ANKIB1: variants seen among roughly 807,000 people sequenced by gnomAD.
ANKIB1 encodes the protein ankyrin repeat and IBR domain containing 1, also known as ankyrin repeat and IBR domain-containing protein 1.
Under a neutral mutation model 122.1 loss-of-function variants are expected in ANKIB1, and 43 were observed. That is an observed-to-expected ratio of 0.35 (90% CI 0.28 to 0.45). The LOEUF is 0.45. Among genes scored for constraint, ANKIB1 ranks in the 20% least tolerant of loss-of-function variants. The pLI is 1.00. For missense variants in ANKIB1, 992 were observed against 1,329.5 expected, an observed-to-expected ratio of 0.75 and a Z score of 3.95; for synonymous variants, 390 against 442.0, an observed-to-expected ratio of 0.88 and a Z score of 1.48.
intron 1 of ANKIB1, among the ~76,000 whole-genome samples, chr7:92,293,529 C>T (rs1802292220): frequency 6.6e-6 from 1 of 152,184 alleles, no homozygotes; most frequent in African/African-American, 2.4e-5. Flanking sequence ...CAGCCTCCCA[C>T]TGAATTAATA....
rs1261795945 is a variant in ANKIB1, at chr7:92,401,315, A to G, written c.*2366A>G. On this transcript the variant is annotated 3_prime_UTR_variant, in exon 20 of 20. Coordinates refer to ENST00000265742, the MANE Select transcript of ANKIB1 (RefSeq NM_019004.2). ...ACAGTAGGATTCTACAAACGTGTAG[A>G]TGTTTGGCCAAATGAATGCTGTTAA... 1 of 152,228 alleles carries G rather than the reference A, an allele frequency of 6.6e-6. No homozygotes were observed. The highest frequency in any genetic ancestry group is 1.5e-5 in the Non-Finnish European group (1 of 68,036). The allele number at this position is 152,228 out of a possible 1,614,324, so 9.4% of individuals were successfully genotyped here.
At chr7:92,298,526 G>A (rs2131924063) in intron 2 of ANKIB1, among the ~76,000 whole-genome samples, 1 of 152,036 alleles carries the variant, frequency 6.6e-6, no homozygotes, top group South Asian at 2.1e-4. Context: ...ATTTAGTCCA[G>A]TGATTCTTAA....
chr7:92,261,474 A>G (rs549763026), intron 1 of ANKIB1, among the ~76,000 whole-genome samples: 3 of 152,290 alleles, frequency 2.0e-5, no homozygotes, highest in Admixed American at 6.5e-5. Context: ...TCTCTAAGGT[A>G]TATGAGTTAT....
intron 11 of ANKIB1, among the ~76,000 whole-genome samples, chr7:92,373,793 C>T (rs1374790340): frequency 6.6e-6 from 1 of 152,144 alleles, no homozygotes; most frequent in Non-Finnish European, 1.5e-5. Context: ...TACTTTTGAA[C>T]TCAAATGTGT....
chr7:92,392,685 G>A (rs969064641), intron 17 of ANKIB1, among the ~76,000 whole-genome samples: 1 of 152,062 alleles, frequency 6.6e-6, no homozygotes, highest in Non-Finnish European at 1.5e-5. Context: ...GCAACAACCT[G>A]AGGGAACTGA....
chr7:92,396,706 C>G lies in ANKIB1; in HGVS notation c.2395+230C>G, dbSNP rs535235168. On this transcript the variant is annotated intron_variant, in intron 18 of 19. Coordinates refer to ENST00000265742, the MANE Select transcript of ANKIB1 (RefSeq NM_019004.2). Reference sequence around the variant, plus strand: ...TCTCTGCTGCATATTAGCTGTGTAACCTAGTCAGGTCACAACCTCTCTAAG... The same window carrying G: ...TCTCTGCTGCATATTAGCTGTGTAAGCTAGTCAGGTCACAACCTCTCTAAG... 1.1e-4 allele frequency among the ~76,000 whole-genome samples: 17 copies of G among 152,270 alleles called. 1 individual carries two copies. The South Asian group carries it at 3.5e-3, about 32-fold the overall frequency.
chr7:92,263,764 T>A lies in ANKIB1; in HGVS notation c.-91+17245T>A, dbSNP rs192813832. 2.4e-3 allele frequency among the ~76,000 whole-genome samples: 366 copies of A among 152,312 alleles called. 3 individuals are homozygous for A. The highest frequency in any genetic ancestry group is 8.2e-3 in the African/African-American group (340 of 41,570). ...TACATACATACATGTATAGATATAG[T>A]TTACTTACTCTTATGTTCAGTGTTA... On this transcript the variant is annotated intron_variant, in intron 1 of 19. Coordinates refer to ENST00000265742, the MANE Select transcript of ANKIB1 (RefSeq NM_019004.2).
At chr7:92,340,806 G>C (rs1421031969) in intron 5 of ANKIB1, among the ~76,000 whole-genome samples, 1 of 152,136 alleles carries the variant, frequency 6.6e-6, no homozygotes, top group Non-Finnish European at 1.5e-5. Flanking sequence ...TGCCAAAATG[G>C]TGAAAAGATA....
chr7:92,384,957 G>T (rs901686475), intron 11 of ANKIB1, among the ~76,000 whole-genome samples: 2 of 152,138 alleles, frequency 1.3e-5, no homozygotes, highest in African/African-American at 4.8e-5. Flanking sequence ...GCAAACCTCA[G>T]CATGGGAGAA....
intron 11 of ANKIB1, among the ~76,000 whole-genome samples, chr7:92,382,525 T>A (rs541570697): frequency 6.6e-6 from 1 of 152,210 alleles, no homozygotes; most frequent in African/African-American, 2.4e-5. Context: ...AGAACAGAAA[T>A]CACAACAAAC....
At position 92,348,535 on chromosome 7, in the gene ANKIB1, G is replaced by A. The variant is rs368634086; in HGVS notation, c.1086-2415G>A. Among the ~76,000 whole-genome samples, 67 of 152,088 alleles carry A rather than the reference G, an allele frequency of 4.4e-4. No homozygotes were observed. In the East Asian group the frequency reaches 4.5e-3, roughly 10 times the overall value. ...TGAGGAGCTGGGATTACAGACACCCGGCACCATGCCAAGCTAATTTTTGTA... is the reference window on the plus strand; with the variant it reads ...TGAGGAGCTGGGATTACAGACACCCAGCACCATGCCAAGCTAATTTTTGTA... On this transcript the variant is annotated intron_variant, in intron 7 of 19. Transcript: ENST00000265742.
At chr7:92,315,467 T>C (rs1802777334) in intron 3 of ANKIB1, among the ~76,000 whole-genome samples, 1 of 152,166 alleles carries the variant, frequency 6.6e-6, no homozygotes, top group South Asian at 2.1e-4. Context: ...AGGAAAAGAC[T>C]TTAGGTTATA....
intron 2 of ANKIB1, among the ~76,000 whole-genome samples, chr7:92,301,018 C>T (rs1227073762): frequency 6.6e-6 from 1 of 152,138 alleles, no homozygotes; most frequent in Non-Finnish European, 1.5e-5. Context: ...TCGAAAATGG[C>T]AGGATTTCCT....
chr7:92,297,260 C>T (rs1439868940), intron 2 of ANKIB1, among the ~76,000 whole-genome samples: 4 of 152,194 alleles, frequency 2.6e-5, no homozygotes, highest in African/African-American at 9.7e-5. Flanking sequence ...CTCTTAACCA[C>T]TGTACTGACA....
intron 17 of ANKIB1, among the ~76,000 whole-genome samples, chr7:92,392,562 T>C (rs984520512): frequency 6.6e-6 from 1 of 152,132 alleles, no homozygotes; most frequent in Non-Finnish European, 1.5e-5. Flanking sequence ...TTGGAAAATA[T>C]CTTCTAATTT....
chr7:92,256,210 G>T (rs1440042620), intron 1 of ANKIB1, among the ~76,000 whole-genome samples: 3 of 152,154 alleles, frequency 2.0e-5, no homozygotes, highest in Non-Finnish European at 4.4e-5. Context: ...TAGTGGGCAG[G>T]GCTGAGTTAT....
intron 1 of ANKIB1, among the ~76,000 whole-genome samples, chr7:92,256,679 T>C (rs941628050): frequency 6.6e-6 from 1 of 152,202 alleles, no homozygotes; most frequent in African/African-American, 2.4e-5. Flanking sequence ...CCATATTCTT[T>C]CTAGGCATGC....
rs1802362218 is a variant in ANKIB1 at position 92,296,633 on chromosome 7, C to T, written c.188+1467C>T. 1.3e-5 allele frequency among the ~76,000 whole-genome samples: 2 copies of T among 152,138 alleles called. 1 individual carries two copies. Among genetic ancestry groups the T allele is most frequent in the South Asian group, 4.1e-4 (2 of 4,830 alleles). ...TTTGTTTGTTTGCCTCACGTATTTG[C>T]TATATATTACCTATTATATTTTACA... On this transcript the variant is annotated intron_variant, in intron 2 of 19. Transcript: ENST00000265742.
At chr7:92,380,893 G>C (rs1480753685) in intron 11 of ANKIB1, among the ~76,000 whole-genome samples, 1 of 152,192 alleles carries the variant, frequency 6.6e-6, no homozygotes, top group East Asian at 1.9e-4. Flanking sequence ...AACAAAGCAG[G>C]ATGGAGAATG....
Sources: gnomAD v4.1 joint callset for allele counts (sites outside exome capture counted in the v4.1 genomes callset) on GRCh38, gnomAD v4.1.1 for gene constraint, MANE v1.5 for transcripts, NCBI Gene and HGNC (gene_info 2026-07-23, HGNC 2026-07-21) for gene names.